DMXL1: variants seen among roughly 807,000 people sequenced by gnomAD.
DMXL1 encodes Dmx like 1, also known as dmX-like protein 1.
In DMXL1, 99 loss-of-function variants were observed where a neutral mutation model predicts 319.2. The ratio of observed to expected loss-of-function variants is 0.31; its 90% CI spans 0.26 to 0.37. The LOEUF (loss-of-function observed/expected upper bound fraction) is 0.37. Among genes scored for constraint, DMXL1 ranks in the 10% least tolerant of loss-of-function variants. The pLI, the probability that DMXL1 is intolerant of heterozygous loss-of-function variation, is 1.00. For missense variants in DMXL1, 3,745 were observed against 3,595.6 expected, an observed-to-expected ratio of 1.04 and a Z score of -1.06; for synonymous variants, 1,385 against 1,235.2, an observed-to-expected ratio of 1.12 and a Z score of -2.54.
At chr5:119,229,218 G>T (rs1006914617) in intron 38 of DMXL1, among the ~76,000 whole-genome samples, 4 of 149,210 alleles carry the variant, frequency 2.7e-5, no homozygotes, top group African/African-American at 9.9e-5. Context: ...TGCTTAAAAG[G>T]TAAAAATAAT....
chr5:119,201,560 G>T (rs1780715914), intron 32 of DMXL1, among the ~76,000 whole-genome samples: 1 of 150,662 alleles, frequency 6.6e-6, no homozygotes, highest in Non-Finnish European at 1.5e-5. Flanking sequence ...CCAGGTTTTG[G>T]TATCAGGATA....
chr5:119,091,400 G>T (rs1471130914), intron 1 of DMXL1, among the ~76,000 whole-genome samples: 2 of 151,894 alleles, frequency 1.3e-5, no homozygotes, highest in Admixed American at 1.3e-4. Flanking sequence ...TTTTGTAGAG[G>T]CAAGTCTTGC....
At chr5:119,152,079 G>GA (rs766197619) in intron 19 of DMXL1, 43 bp downstream of exon 19, 1 of 1,320,296 alleles carries the variant, frequency 7.6e-7, no homozygotes, top group South Asian at 1.3e-5. Flanking sequence ...AAAGCGAGTA[G>GA]AAAATGAGAG....
intron 1 of DMXL1, among the ~76,000 whole-genome samples, chr5:119,075,034 C>T (rs1050702096): frequency 3.3e-5 from 5 of 152,010 alleles, no homozygotes; most frequent in African/African-American, 1.2e-4. Flanking sequence ...ATGTAAAACT[C>T]TCAAAAATGT....
chr5:119,237,301 T>G (rs1405490610), intron 39 of DMXL1, 21 bp from the exon 40 acceptor site: 2 of 1,407,414 alleles, frequency 1.4e-6, no homozygotes, highest in Non-Finnish European at 2.0e-6. Flanking sequence ...TAAATACTTT[T>G]AAATATTTTC....
At chr5:119,232,980 A>T (rs998564854) in intron 38 of DMXL1, among the ~76,000 whole-genome samples, 2 of 151,894 alleles carry the variant, frequency 1.3e-5, no homozygotes, top group Non-Finnish European at 2.9e-5. Context: ...TTACACATTA[A>T]TAGTATAATA....
At chr5:119,097,573 C>T (rs953073028) in intron 1 of DMXL1, among the ~76,000 whole-genome samples, 12 of 151,906 alleles carry the variant, frequency 7.9e-5, no homozygotes, top group East Asian at 1.9e-4. Context: ...AAAAACTAGC[C>T]GGGCGTGGTG....
rs796474554 is a variant in DMXL1 at position 119,198,031 on chromosome 5, C to A, written c.7745+75C>A. On this transcript the variant is annotated intron_variant, in intron 32 of 43. Coordinates refer to ENST00000539542, the MANE Select transcript of DMXL1 (RefSeq NM_001290321.3). ...TGAGATGGTGTCTCGCTCTGTCATC[C>A]GGGCTGGAGTGCAGTGGCACAATCT... 4.2e-6 allele frequency: 6 copies of A among 1,433,166 alleles called. No individual in the cohort carries two copies. In the South Asian group the frequency reaches 5.8e-5, roughly 14 times the overall value. The allele number at this position is 1,433,166 out of a possible 1,614,324, so 88.8% of individuals were successfully genotyped here. A position where few individuals can be genotyped will look rare whatever the true frequency, so the allele number is the denominator to read the frequency against.
In DMXL1 at chr5:119,123,047, G is replaced by T. The variant is rs558180618; in HGVS notation, c.1102+1908G>T. ...CTGAGTGAACAAGACTCCATCTGCA[G>T]TCCCGGCACCTGGGAGGCCGAGGCT... On this transcript the variant is annotated intron_variant, in intron 9 of 43. Transcript: ENST00000539542. Among the ~76,000 whole-genome samples, 11 of 152,290 alleles carry T rather than the reference G, an allele frequency of 7.2e-5. No homozygotes were observed. The South Asian group carries it at 1.9e-3, about 26-fold the overall frequency.
chr5:119,104,477 C>G (rs551808494), intron 3 of DMXL1, among the ~76,000 whole-genome samples: 1 of 152,182 alleles, frequency 6.6e-6, no homozygotes, highest in South Asian at 2.1e-4. Flanking sequence ...ATTTGTTGTA[C>G]CAAAGTTTGA....
chr5:119,095,687 T>C (rs548361076), intron 1 of DMXL1, among the ~76,000 whole-genome samples: 30 of 152,216 alleles, frequency 2.0e-4, no homozygotes, highest in Non-Finnish European at 4.0e-4. Flanking sequence ...ATTCTCAAAA[T>C]TTAATATCAA....
At chr5:119,146,129 G>A (rs1768473548) in intron 15 of DMXL1, among the ~76,000 whole-genome samples, 3 of 151,700 alleles carry the variant, frequency 2.0e-5, no homozygotes, top group African/African-American at 7.2e-5. Context: ...AAGTCTTTGT[G>A]CTCTAATAAT....
chr5:119,229,182 A>C (rs1786186019), intron 38 of DMXL1, among the ~76,000 whole-genome samples: 1 of 151,560 alleles, frequency 6.6e-6, no homozygotes, highest in African/African-American at 2.4e-5. Context: ...AGACAAAAAA[A>C]CAAAATCTCG....
At chr5:119,218,202 C>A (rs1784023034) in intron 35 of DMXL1, among the ~76,000 whole-genome samples, 2 of 152,050 alleles carry the variant, frequency 1.3e-5, no homozygotes, top group Admixed American at 6.5e-5. Flanking sequence ...CATTGTGAGA[C>A]CCTGTCTCTA....
chr5:119,155,609 T>C (rs1770840527), intron 19 of DMXL1, among the ~76,000 whole-genome samples: 2 of 151,920 alleles, frequency 1.3e-5, no homozygotes, highest in Admixed American at 1.3e-4. Flanking sequence ...GATATTGAGG[T>C]GGGAGGATCG....
At chr5:119,112,197 G>A (rs146629337) in intron 5 of DMXL1, among the ~76,000 whole-genome samples, 2,111 of 152,170 alleles carry the variant, frequency 0.014, 20 homozygotes, top group Non-Finnish European at 0.023. Context: ...TCCTGACCTC[G>A]TGATCTGCCT....
chr5:119,080,181 A>G (rs1376316878), intron 1 of DMXL1, among the ~76,000 whole-genome samples: 1 of 152,062 alleles, frequency 6.6e-6, no homozygotes, highest in Non-Finnish European at 1.5e-5. Flanking sequence ...ACCTGTTTCT[A>G]CTAAAAATAC....
At position 119,147,525 on chromosome 5, in the gene DMXL1, G is replaced by A; in HGVS notation, c.2911+55G>A. ...TTTGTAACACATGAGTATTTACCAG[G>A]TATTTAAAAATAGGTGCTGCAACTA... On this transcript the variant is annotated intron_variant, in intron 17 of 43. Transcript: ENST00000539542. The A allele has an allele frequency of 5.5e-6, 7 of 1,266,574 alleles. No homozygotes were observed. The South Asian group carries it at 7.6e-5, about 14-fold the overall frequency. The allele number at this position is 1,266,574 out of a possible 1,614,324, so 78.5% of individuals were successfully genotyped here. A position where few individuals can be genotyped will look rare whatever the true frequency, so the allele number is the denominator to read the frequency against.
intron 1 of DMXL1, among the ~76,000 whole-genome samples, chr5:119,077,098 C>G (rs989027111): frequency 1.3e-5 from 2 of 151,648 alleles, no homozygotes; most frequent in African/African-American, 4.9e-5. Flanking sequence ...TCAAGTGATC[C>G]TCCCATCTTG....
Sources: allele counts gnomAD v4.1 joint callset (sites outside exome capture counted in the v4.1 genomes callset), GRCh38; gene constraint gnomAD v4.1.1; transcripts MANE v1.5; gene names NCBI Gene and HGNC (gene_info 2026-07-23, HGNC 2026-07-21).